EI24: variants seen among roughly 807,000 people sequenced by gnomAD.
EI24 encodes EI24 autophagy associated transmembrane protein.
A neutral mutation model predicts 48.6 loss-of-function variants in EI24; 21 were observed. The ratio of observed to expected loss-of-function variants is 0.43; its 90% confidence interval spans 0.31 to 0.62. EI24 has a LOEUF of 0.62. Among genes scored for constraint, EI24 ranks in the 20% least tolerant of loss-of-function variants. The pLI is 0.10. For missense variants in EI24, 280 were observed against 410.5 expected (o/e 0.68, Z 2.75); for synonymous variants, 114 against 145.5 (o/e 0.78, Z 1.56).
At position 125,582,327 on chromosome 11, in the gene EI24, T is replaced by TC. The variant is rs2135875278; in HGVS notation, c.786-19_786-18insC. The TC allele has an allele frequency of 8.0e-7, 1 of 1,255,076 alleles. No homozygotes were observed. The highest frequency in any genetic ancestry group is 3.0e-5 in the East Asian group (1 of 33,456). The allele number at this position is 1,255,076 out of a possible 1,614,324, so 77.7% of individuals were successfully genotyped here. ...GTTATGAAGGTGACTAATTATTTCT[T>TC]TTTTTTTTTTTTAAACAGTGGCTGC... On this transcript the variant is annotated intron_variant, in intron 9 of 10. Coordinates refer to ENST00000278903, the MANE Select transcript of EI24 (RefSeq NM_004879.5).
intron 4 of EI24, among the ~76,000 whole-genome samples, chr11:125,576,945 A>G (rs953017421): frequency 6.6e-6 from 1 of 152,156 alleles, no homozygotes; most frequent in Non-Finnish European, 1.5e-5. Flanking sequence ...TTTGGCCTGA[A>G]TACTACTTGA....
At chr11:125,581,418 T>G (rs1296978959) in intron 9 of EI24, 96 bp downstream of exon 9, 4 of 658,354 alleles carry the variant, frequency 6.1e-6, no homozygotes, top group Non-Finnish European at 1.0e-5. Flanking sequence ...GCATTCTACA[T>G]CATCATTTGT....
intron 1 of EI24, among the ~76,000 whole-genome samples, chr11:125,571,554 TTGTATC>T (rs1938531930): frequency 6.6e-6 from 1 of 152,188 alleles, no homozygotes; most frequent in African/African-American, 2.4e-5. Flanking sequence ...TTTATTAAAA[TTGTATC>T]TGTATATATT....
At chr11:125,583,205 A>T (rs1236885931) in intron 10 of EI24, among the ~76,000 whole-genome samples, 11 of 152,072 alleles carry the variant, frequency 7.2e-5, no homozygotes. Context: ...GGTTCAAGCG[A>T]TTCTCCTGCC....
chr11:125,575,006 G>T (rs1460567840), intron 2 of EI24, among the ~76,000 whole-genome samples: 1 of 151,942 alleles, frequency 6.6e-6, no homozygotes, highest in Non-Finnish European at 1.5e-5. Flanking sequence ...CAGGAGGATT[G>T]CTTGAGGACA....
intron 4 of EI24, 65 bp downstream of exon 4, chr11:125,576,380 G>A: frequency 6.9e-7 from 1 of 1,449,910 alleles, no homozygotes. Flanking sequence ...TGATAGCTAT[G>A]AACTGTTTTC....
chr11:125,576,049 C>T, intron 3 of EI24: 3 of 567,882 alleles, frequency 5.3e-6, no homozygotes, highest in Non-Finnish European at 9.4e-6. Flanking sequence ...CACGGCCTCC[C>T]AAAGTGTTAG....
At chr11:125,572,324 C>G in intron 1 of EI24, 134 bp from the exon 2 acceptor site, 2 of 542,388 alleles carry the variant, frequency 3.7e-6, no homozygotes, top group Non-Finnish European at 6.6e-6. Flanking sequence ...TCACTTGATT[C>G]ACTCTATTAG....
rs556537265 is a variant in EI24, at chr11:125,574,996, C to T, written c.43-267C>T. 3.7e-4 allele frequency among the ~76,000 whole-genome samples: 56 copies of T among 152,144 alleles called. 1 individual carries two copies. The highest frequency in any genetic ancestry group is 1.3e-3 in the African/African-American group (53 of 41,500). ...ATTCTTAGCCTTTGGGAGGCTTAGGCAGGAGGATTGCTTGAGGACAGGAGT... is the reference window on the plus strand; with the variant it reads ...ATTCTTAGCCTTTGGGAGGCTTAGGTAGGAGGATTGCTTGAGGACAGGAGT... On this transcript the variant is annotated intron_variant, in intron 2 of 10. Transcript: ENST00000278903.
intron 1 of EI24, among the ~76,000 whole-genome samples, chr11:125,570,854 T>A (rs1938509023): frequency 6.6e-6 from 1 of 152,224 alleles, no homozygotes. Context: ...ACTGAGCCTT[T>A]GCTAGTTATC....
chr11:125,579,155 A>G, intron 7 of EI24, 87 bp downstream of exon 7: 2 of 1,312,484 alleles, frequency 1.5e-6, no homozygotes, highest in South Asian at 2.9e-5. Context: ...ACAGAGTATT[A>G]TATTTATACA....
chr11:125,578,981 G>A lies in EI24; in HGVS notation c.474G>A (p.Gly158=). The change falls in exon 7 of 11, where the codon GGG becomes GGA. Residue 158 remains glycine, a synonymous_variant. Coordinates refer to ENST00000278903, the MANE Select transcript of EI24 (RefSeq NM_004879.5). ...CTGACCTGGCATTTGAGGTATCAGG[G>A]AGGAAGCCTCACCCATTCCCTAGTG... ...DIADLAFEVS[G]RKPHPFPSVS... is the part of the protein sequence containing the mutation. 1 of 1,591,976 alleles carries A rather than the reference G, an allele frequency of 6.3e-7. No individual in the cohort carries two copies.
Position 125,583,933 on chromosome 11 carries a change from T to TTC in EI24, c.*252_*253dup. 1 of 514,774 alleles carries TTC rather than the reference T, an allele frequency of 1.9e-6. No individual in the cohort carries two copies. 31.9% of individuals were successfully genotyped at this position (514,774 alleles called of 1,614,324 possible). On this transcript the variant is annotated 3_prime_UTR_variant, in exon 11 of 11. Coordinates refer to ENST00000278903, the MANE Select transcript of EI24 (RefSeq NM_004879.5). ...GACCACAGGTTTTTCTGCAGCTATT[T>TTC]TCTAGCATTTGCCAGTCCCTGTGCC...
chr11:125,575,504 T>C lies in EI24; in HGVS notation c.188+96T>C, dbSNP rs891557511. 3.0e-6 allele frequency: 4 copies of C among 1,339,268 alleles called. No individual in the cohort carries two copies. In the Admixed American group the frequency reaches 8.2e-5, roughly 27 times the overall value. 83.0% of individuals were successfully genotyped at this position (1,339,268 alleles called of 1,614,324 possible). A position where few individuals can be genotyped will look rare whatever the true frequency, so the allele number is the denominator to read the frequency against. On this transcript the variant is annotated intron_variant, in intron 3 of 10. Coordinates refer to ENST00000278903, the MANE Select transcript of EI24 (RefSeq NM_004879.5). ...GTGCCATTTTATTTCTTTTGTGCTT[T>C]TTCCCAGAAAAATGTTGCAAGTGAT...
At chr11:125,578,885 T>A in intron 6 of EI24, 64 bp from the exon 7 acceptor site, 2 of 1,526,168 alleles carry the variant, frequency 1.3e-6, no homozygotes, top group Non-Finnish European at 8.8e-7. Flanking sequence ...ACTAGTGGCC[T>A]TAGCTTTGGG....
chr11:125,569,647 G>A (rs911618577), intron 1 of EI24, 74 bp downstream of exon 1: 2 of 333,454 alleles, frequency 6.0e-6, no homozygotes, highest in Non-Finnish European at 1.1e-5. Context: ...GACCGGGAGG[G>A]CAGGCAGGGC....
At chr11:125,576,214 A>C (rs1938742696) in intron 3 of EI24, 41 bp from the exon 4 acceptor site, 1 of 1,580,106 alleles carries the variant, frequency 6.3e-7, no homozygotes, top group Non-Finnish European at 8.7e-7. Context: ...ATTAGGAAAT[A>C]ACTTATGCTT....
intron 5 of EI24, 95 bp from the exon 6 acceptor site, chr11:125,578,038 G>C: frequency 6.9e-7 from 1 of 1,451,630 alleles, no homozygotes; most frequent in Non-Finnish European, 9.5e-7. Flanking sequence ...AAAGATCCAG[G>C]AGGAGACAGA....
rs1939100567 is a variant in EI24 at position 125,583,578 on chromosome 11, C to T, written c.918C>T (p.His306=). The T allele has an allele frequency of 2.5e-6, 4 of 1,612,274 alleles. No homozygotes were observed. The highest frequency in any genetic ancestry group is 2.7e-5 in the African/African-American group (2 of 74,868). ...LVVFLSNRLF[H]KTVYLQSALS... is the part of the protein sequence containing the mutation. ...TCTTCTTAAGCAACAGACTCTTCCA[C>T]AAGACAGTCTACCTGCAGTCGGCCC... Residue 306 remains histidine, a synonymous_variant, in exon 11 of 11, where the codon CAC becomes CAT. Coordinates refer to ENST00000278903, the MANE Select transcript of EI24 (RefSeq NM_004879.5).
Sources: gnomAD v4.1 joint callset for allele counts (sites outside exome capture counted in the v4.1 genomes callset) on GRCh38, gnomAD v4.1.1 for gene constraint, MANE v1.5 for transcripts, NCBI Gene and HGNC (gene_info 2026-07-23, HGNC 2026-07-21) for gene names.